The following SLC24A4 variants were observed in gnomAD, a reference collection of about 807,000 sequenced individuals.
The protein encoded by SLC24A4 is solute carrier family 24 member 4.
In SLC24A4, 53 loss-of-function variants were observed where a neutral mutation model predicts 79.0. The ratio of observed to expected loss-of-function variants is 0.67; its 90% CI spans 0.54 to 0.84. SLC24A4 has a LOEUF of 0.84. Among genes scored for constraint, SLC24A4 ranks in the 40% least tolerant of loss-of-function variants. The pLI is 0.00. For missense variants in SLC24A4, 731 were observed against 822.0 expected, an observed-to-expected ratio of 0.89 and a Z score of 1.35; for synonymous variants, 323 against 323.8, an observed-to-expected ratio of 1.00 and a Z score of 0.03.
At chr14:92,434,835 G>A (rs547895133) in intron 3 of SLC24A4, among the ~76,000 whole-genome samples, 144 of 152,206 alleles carry the variant, frequency 9.5e-4, no homozygotes, top group Non-Finnish European at 1.7e-3. Context: ...GTACAGTGGC[G>A]CGATCTTGGC....
chr14:92,341,984 C>T (rs1886169671), intron 2 of SLC24A4, among the ~76,000 whole-genome samples: 1 of 152,104 alleles, frequency 6.6e-6, no homozygotes, highest in Non-Finnish European at 1.5e-5. Context: ...AAAAGTGACT[C>T]AGTGACTTGT....
chr14:92,486,920 C>T (rs1895398295), intron 14 of SLC24A4, 140 bp downstream of exon 14: 1 of 596,532 alleles, frequency 1.7e-6, no homozygotes, highest in Admixed American at 3.0e-5. Flanking sequence ...ACTGCGACAT[C>T]TAGAAAGCAT....
chr14:92,359,451 T>C (rs1887372003), intron 2 of SLC24A4, among the ~76,000 whole-genome samples: 1 of 151,924 alleles, frequency 6.6e-6, no homozygotes, highest in African/African-American at 2.4e-5. Flanking sequence ...AAAAAAGAAT[T>C]AGCCGGGTGT....
At chr14:92,463,407 A>G (rs1033780446) in intron 12 of SLC24A4, among the ~76,000 whole-genome samples, 12 of 152,214 alleles carry the variant, frequency 7.9e-5, no homozygotes, top group Non-Finnish European at 5.9e-5. Context: ...TTACATGTGC[A>G]GTTCCATACA....
intron 16 of SLC24A4, 97 bp downstream of exon 16, chr14:92,492,337 T>A: frequency 6.0e-6 from 7 of 1,172,128 alleles, no homozygotes; most frequent in Non-Finnish European, 8.8e-6. Context: ...CCCTGTCACT[T>A]CCCTTGGTAG....
chr14:92,421,597 T>C (rs1891286401), intron 2 of SLC24A4, among the ~76,000 whole-genome samples: 1 of 152,136 alleles, frequency 6.6e-6, no homozygotes, highest in Middle Eastern at 3.2e-3. Flanking sequence ...AACCCCCGCC[T>C]CCCAGGTTCA....
In SLC24A4 at chr14:92,501,465, AAAAT is replaced by A. The variant is rs1475264287; in HGVS notation, c.*7842_*7845del. On this transcript the variant is annotated 3_prime_UTR_variant, in exon 17 of 17. Coordinates refer to ENST00000532405, the MANE Select transcript of SLC24A4 (RefSeq NM_153646.4). ...ATATCAAAATCTGTACACTGTCAATAAAATAAATGAGCACAAGTTGTCTTTCCCT... is the reference window on the plus strand; with the variant it reads ...ATATCAAAATCTGTACACTGTCAATAAAATGAGCACAAGTTGTCTTTCCCT... The A allele has an allele frequency of 6.6e-6, 1 of 152,266 alleles. No individual in the cohort carries two copies. The highest frequency in any genetic ancestry group is 6.5e-5 in the Admixed American group (1 of 15,290). 9.4% of individuals were successfully genotyped at this position (152,266 alleles called of 1,614,324 possible). A position where few individuals can be genotyped will look rare whatever the true frequency, so the allele number is the denominator to read the frequency against.
chr14:92,343,543 A>T (rs1440212847), intron 2 of SLC24A4, among the ~76,000 whole-genome samples: 3 of 152,012 alleles, frequency 2.0e-5, no homozygotes, highest in African/African-American at 7.3e-5. Context: ...CTGGGGTTGA[A>T]GTCTGCTCAG....
chr14:92,411,249 G>A (rs1011286253), intron 2 of SLC24A4, among the ~76,000 whole-genome samples: 6 of 152,140 alleles, frequency 3.9e-5, no homozygotes, highest in South Asian at 2.1e-4. Context: ...GAAACTCACC[G>A]TTGAGTTGAA....
rs923725933 is a variant in SLC24A4 at position 92,498,854 on chromosome 14, A to G, written c.*5226A>G. On this transcript the variant is annotated 3_prime_UTR_variant, in exon 17 of 17. Transcript: ENST00000532405. ...TTTGCTTGTTGATAAAGAAAACTCA[A>G]TCGGGACACTAGTTTTGTGCTCAGC... The G allele has an allele frequency of 2.6e-5, 4 of 152,364 alleles. No homozygotes were observed. The highest frequency in any genetic ancestry group is 2.1e-4 in the South Asian group (1 of 4,830). The allele number at this position is 152,364 out of a possible 1,614,324, so 9.4% of individuals were successfully genotyped here.
chr14:92,341,318 A>G (rs890466754), intron 2 of SLC24A4, among the ~76,000 whole-genome samples: 6 of 152,196 alleles, frequency 3.9e-5, no homozygotes, highest in African/African-American at 1.4e-4. Flanking sequence ...TGCTCAGGGA[A>G]GGCAGGACAT....
At chr14:92,492,579 G>A (rs1301269729) in intron 16 of SLC24A4, among the ~76,000 whole-genome samples, 2 of 152,168 alleles carry the variant, frequency 1.3e-5, no homozygotes, top group African/African-American at 4.8e-5. Flanking sequence ...CATCCCTCAG[G>A]ATGGCACGTC....
intron 2 of SLC24A4, among the ~76,000 whole-genome samples, chr14:92,413,700 G>A (rs984905936): frequency 4.6e-5 from 7 of 152,212 alleles, no homozygotes; most frequent in Non-Finnish European, 1.0e-4. Flanking sequence ...ATCTGGGCTG[G>A]GAGCAGCTTC....
rs1460363156 is a variant in SLC24A4 at position 92,398,585 on chromosome 14, CCAGGACCA to C, written c.242-35324_242-35317del. On this transcript the variant is annotated intron_variant, in intron 2 of 16. Transcript: ENST00000532405. This position sits in a 1 kb window ranked among gnomAD's most constrained non-coding sequence, Gnocchi z 4.1. ...GCCTGTTAGCCTCAGCCCCTTGCTCCCAGGACCACACCTGGCCAGGGCTGCTGGGACAG... is the reference window on the plus strand; with the variant it reads ...GCCTGTTAGCCTCAGCCCCTTGCTCCCACCTGGCCAGGGCTGCTGGGACAG... 6.6e-6 allele frequency among the ~76,000 whole-genome samples: 1 copy of C among 152,186 alleles called. No homozygotes were observed. Among genetic ancestry groups the C allele is most frequent in the Non-Finnish European group, 1.5e-5 (1 of 68,034 alleles).
intron 2 of SLC24A4, among the ~76,000 whole-genome samples, chr14:92,423,761 G>A (rs889765565): frequency 6.6e-6 from 1 of 152,228 alleles, no homozygotes; most frequent in Non-Finnish European, 1.5e-5. Flanking sequence ...GAAAGGGCAG[G>A]CTTCAGGTGT....
intron 2 of SLC24A4, among the ~76,000 whole-genome samples, chr14:92,358,922 G>A (rs1422422596): frequency 2.0e-5 from 3 of 151,894 alleles, no homozygotes; most frequent in Non-Finnish European, 2.9e-5. Context: ...CTGACCTCAA[G>A]TGATCCACTC....
intron 2 of SLC24A4, among the ~76,000 whole-genome samples, chr14:92,360,362 A>G (rs750947550): frequency 3.3e-5 from 5 of 152,104 alleles, no homozygotes; most frequent in Non-Finnish European, 5.9e-5. Flanking sequence ...CAGCCTCCCA[A>G]AGTGCTGGGA....
In SLC24A4 at chr14:92,499,756, G is replaced by A. The variant is rs1438814423; in HGVS notation, c.*6128G>A. ...GTAGGTCTTGAACTCCTGGCCTCAA[G>A]TGATCCTCCTGCCTTGACCTCCCAA... On this transcript the variant is annotated 3_prime_UTR_variant, in exon 17 of 17. Coordinates refer to ENST00000532405, the MANE Select transcript of SLC24A4 (RefSeq NM_153646.4). 1 of 151,304 alleles carries A rather than the reference G, an allele frequency of 6.6e-6. No homozygotes were observed. The highest frequency in any genetic ancestry group is 1.5e-5 in the Non-Finnish European group (1 of 67,952). The allele number at this position is 151,304 out of a possible 1,614,324, so 9.4% of individuals were successfully genotyped here. A position where few individuals can be genotyped will look rare whatever the true frequency, so the allele number is the denominator to read the frequency against.
At chr14:92,458,774 G>A (rs1041307455) in intron 12 of SLC24A4, among the ~76,000 whole-genome samples, 1 of 152,198 alleles carries the variant, frequency 6.6e-6, no homozygotes, top group Non-Finnish European at 1.5e-5. Context: ...TCCCTCCTGT[G>A]TCCACGTGGG....
Sources: gnomAD v4.1 joint callset for allele counts (sites outside exome capture counted in the v4.1 genomes callset) on GRCh38, gnomAD v4.1.1 for gene constraint, Gnocchi (gnomAD v3.1) non-coding constraint, MANE v1.5 for transcripts, NCBI Gene and HGNC (gene_info 2026-07-23, HGNC 2026-07-21) for gene names.